SOX8: variants seen among roughly 807,000 people sequenced by gnomAD.
The protein encoded by SOX8 is transcription factor SOX-8.
In SOX8, 9 loss-of-function variants were observed where a neutral mutation model predicts 22.9. That is an observed-to-expected ratio of 0.39 (90% CI 0.24 to 0.69). The LOEUF is 0.69. SOX8 is among the 30% of genes least tolerant of loss of function. The pLI is 0.43. For missense variants in SOX8, 734 were observed against 699.4 expected (o/e 1.05, Z -0.56); for synonymous variants, 416 against 330.6 (o/e 1.26, Z -2.80).
rs780757316 is a variant in SOX8 at position 985,025 on chromosome 16, C to T, written c.980C>T (p.Ser327Leu). The change falls in exon 3 of 3, where the codon TCG (serine) becomes TTG (leucine). Residue 327 changes from serine to leucine, a missense_variant. Transcript: ENST00000293894. ...AAGAGTGCCCCGTCGGCCTCCGCGT[C>T]GCCCACCGAGACGGGTCCCCCACGG... Reference protein sequence around the residue: ...AHKSAPSASASPTETGPPRPH... With the variant: ...AHKSAPSASALPTETGPPRPH... 5.7e-6 allele frequency: 9 copies of T among 1,570,850 alleles called. No individual in the cohort carries two copies. The highest frequency in any genetic ancestry group is 2.8e-5 in the African/African-American group (2 of 72,684).
At position 984,743 on chromosome 16, in the gene SOX8, C is replaced by T. The variant is rs551441294; in HGVS notation, c.698C>T (p.Thr233Met). 1.7e-5 allele frequency: 26 copies of T among 1,558,042 alleles called. No individual in the cohort carries two copies. Among genetic ancestry groups the T allele is most frequent in the Admixed American group, 7.1e-5 (4 of 56,552 alleles). The change falls in exon 3 of 3, where the codon ACG (threonine) becomes ATG (methionine). Residue 233 changes from threonine (T) to methionine (M), a missense_variant. Around this residue, in one of 3 missense-constraint regions of SOX8, gnomAD observed 588 missense variants for 568.2 expected, o/e 1.03. Transcript: ENST00000293894. ...GPPTPPTTPK[T>M]ELQQAGAKPE... ...CCCACCCCGCCCACCACCCCCAAGA[C>T]GGAGCTGCAGCAGGCGGGCGCCAAG...
At chr16:984,564 C>G in intron 2 of SOX8, 137 bp from the exon 3 acceptor site, 2 of 582,876 alleles carry the variant, frequency 3.4e-6, no homozygotes, top group South Asian at 4.9e-5. Context: ...GCTGGAATTT[C>G]TGGGAAATGT....
Position 982,243 on chromosome 16 carries a change from C to A in SOX8, c.321C>A (p.Asn107Lys). ...KAKPHVKRPM[N>K]AFMVWAQAAR... The stretch of plus-strand genomic sequence containing the variant: ...AGCCGCATGTGAAGCGGCCCATGAA[C>A]GCATTCATGGTGTGGGCGCAGGCGG... Residue 107 changes from asparagine to lysine, a missense_variant, in exon 1 of 3, where the codon AAC becomes AAA. Transcript: ENST00000293894. The A allele has an allele frequency of 1.3e-6, 2 of 1,554,488 alleles. No individual in the cohort carries two copies. Among genetic ancestry groups the A allele is most frequent in the Admixed American group, 1.9e-5 (1 of 52,632 alleles).
Position 983,755 on chromosome 16 carries a change from C to A in SOX8, c.450C>A (p.Pro150=), listed in dbSNP as rs1016052721. 1 of 1,612,510 alleles carries A rather than the reference C, an allele frequency of 6.2e-7. No individual in the cohort carries two copies. The highest frequency in any genetic ancestry group is 1.3e-5 in the African/African-American group (1 of 74,932). Residue 150 remains proline, a synonymous_variant, in exon 2 of 3, where the codon CCC becomes CCA. Coordinates refer to ENST00000293894, the MANE Select transcript of SOX8 (RefSeq NM_014587.5). ...TGCTGAGCGAGAGCGAGAAGCGGCC[C>A]TTCGTGGAGGAGGCAGAGCGCCTTC... is the stretch of plus-strand genomic sequence containing the variant. ...WRLLSESEKR[P]FVEEAERLRV...
chr16:984,683 C>G lies in SOX8; in HGVS notation c.656-18C>G. On this transcript the variant is annotated intron_variant, in intron 2 of 2. Transcript: ENST00000293894. ...CAGAAGGGGCATTCATCCCTGAAGC[C>G]TGCTCTCCTGTCCCCAGGGCAGACC... is the stretch of plus-strand genomic sequence containing the variant. 1 of 1,465,146 alleles carries G rather than the reference C, an allele frequency of 6.8e-7. No homozygotes were observed. The highest frequency in any genetic ancestry group is 1.4e-5 in the African/African-American group (1 of 69,876). 90.8% of individuals were successfully genotyped at this position (1,465,146 alleles called of 1,614,324 possible). A position where few individuals can be genotyped will look rare whatever the true frequency, so the allele number is the denominator to read the frequency against.
rs765665070 is a variant in SOX8 at position 981,917 on chromosome 16, G to A, written c.-6G>A. On this transcript the variant is annotated 5_prime_UTR_variant, in exon 1 of 3. Coordinates refer to ENST00000293894, the MANE Select transcript of SOX8 (RefSeq NM_014587.5). ...TCCTGTGCGCGCCCCTCCGCGCGCG[G>A]CCCCGATGCTGGACATGAGCGAGGC... 5.5e-5 allele frequency: 70 copies of A among 1,275,594 alleles called. No individual in the cohort carries two copies. The highest frequency in any genetic ancestry group is 2.2e-5 in the South Asian group (1 of 46,208). 79.0% of individuals were successfully genotyped at this position (1,275,594 alleles called of 1,614,324 possible).
rs1271956778 is a variant in SOX8, at chr16:983,945, C to T, written c.640C>T (p.His214Tyr). Residue 214 changes from histidine to tyrosine, a missense_variant, in exon 2 of 3, where the codon CAT becomes TAT. His to Tyr is a moderately conservative substitution (Grantham distance 83, BLOSUM62 2). Transcript: ENST00000293894. Reference protein sequence around the residue: ...AEAGLGDGHHHGDHTGQTHGP... With the variant: ...AEAGLGDGHHYGDHTGQTHGP... The stretch of plus-strand genomic sequence containing the variant: ...AGCAGGGCTTGGAGATGGGCACCAC[C>T]ATGGCGACCACACAGGTGGGCTCCA... The T allele has an allele frequency of 1.9e-6, 3 of 1,541,514 alleles. No homozygotes were observed. Among genetic ancestry groups the T allele is most frequent in the South Asian group, 2.4e-5 (2 of 83,824 alleles).
In SOX8 at chr16:985,282, C is replaced by T. The variant is rs753633511; in HGVS notation, c.1237C>T (p.Arg413Trp). 14 of 1,611,100 alleles carry T rather than the reference C, an allele frequency of 8.7e-6. No homozygotes were observed. Among genetic ancestry groups the T allele is most frequent in the East Asian group, 4.5e-5 (2 of 44,876 alleles). Residue 413 changes from arginine (R) to tryptophan (W), a missense_variant, in exon 3 of 3, where the codon CGG (arginine) becomes TGG (tryptophan). Physicochemically the swap from Arg to Trp is moderately radical, Grantham distance 101. This residue lies in a region of SOX8 where 588 missense variants were observed against 568.2 expected (regional missense o/e 1.03). Transcript: ENST00000293894. ...YQYPCFHSPRRPYASPLLNGL... is the reference protein window; with the variant it reads ...YQYPCFHSPRWPYASPLLNGL... ...GTACCCCTGCTTCCACTCGCCGCGCCGGCCCTACGCCTCACCCCTGCTCAA... is the reference window on the plus strand; with the variant it reads ...GTACCCCTGCTTCCACTCGCCGCGCTGGCCCTACGCCTCACCCCTGCTCAA...
At chr16:982,461 C>T (rs1596198923) in intron 1 of SOX8, 117 bp downstream of exon 1, 13 of 1,110,964 alleles carry the variant, frequency 1.2e-5, no homozygotes, top group East Asian at 3.2e-5. Context: ...ACGCAGGCTC[C>T]GGGCTCTGCA....
chr16:983,074 C>T (rs562205764), intron 1 of SOX8: 1 of 152,386 alleles, frequency 6.6e-6, no homozygotes, highest in African/African-American at 2.4e-5. Context: ...CTCTGGTTCC[C>T]GTATCCTGCT....
intron 2 of SOX8, among the ~76,000 whole-genome samples, chr16:984,350 C>T (rs563989358): frequency 1.7e-3 from 265 of 152,330 alleles, no homozygotes; most frequent in African/African-American, 5.7e-3. Flanking sequence ...GGCTGACGCC[C>T]GCCAGCCTCA....
Position 985,464 on chromosome 16 carries a change from AG to A in SOX8, c.*82del. On this transcript the variant is annotated 3_prime_UTR_variant, in exon 3 of 3. Transcript: ENST00000293894. ...GCCCAGTGTGTGTGACCAGGGCGGG[AG>A]GGGCCCCAGTGGCTGAGCTCCAAGT... is the stretch of plus-strand genomic sequence containing the variant. The A allele has an allele frequency of 8.1e-7, 1 of 1,241,160 alleles. No homozygotes were observed. 76.9% of individuals were successfully genotyped at this position (1,241,160 alleles called of 1,614,324 possible).
rs953485050 is a variant in SOX8 at position 986,861 on chromosome 16, G to A, written c.*1475G>A. 2.0e-5 allele frequency: 3 copies of A among 152,226 alleles called. No individual in the cohort carries two copies. The highest frequency in any genetic ancestry group is 4.8e-5 in the African/African-American group (2 of 41,412). The allele number at this position is 152,226 out of a possible 1,614,324, so 9.4% of individuals were successfully genotyped here. A position where few individuals can be genotyped will look rare whatever the true frequency, so the allele number is the denominator to read the frequency against. The stretch of plus-strand genomic sequence containing the variant: ...ACCCGTTTCATGCAGCGTCTCCCTT[G>A]GCACCGCGTTCGGAGGACGCACCCT... On this transcript the variant is annotated 3_prime_UTR_variant, in exon 3 of 3. Coordinates refer to ENST00000293894, the MANE Select transcript of SOX8 (RefSeq NM_014587.5).
Position 983,874 on chromosome 16 carries a change from C to T in SOX8, c.569C>T (p.Ala190Val), listed in dbSNP as rs560388023. 5.0e-6 allele frequency: 8 copies of T among 1,611,448 alleles called. No individual in the cohort carries two copies. The East Asian group carries it at 1.6e-4, about 31-fold the overall frequency. ...GGCCACAGCGACTCCGACTCGGGCG[C>T]GGAGCTGGGACCCCACCCTGGCGGC... is the stretch of plus-strand genomic sequence containing the variant. Reference protein sequence around the residue: ...KAGHSDSDSGAELGPHPGGGA... With the variant: ...KAGHSDSDSGVELGPHPGGGA... Residue 190 changes from alanine to valine, a missense_variant, in exon 2 of 3, where the codon GCG becomes GTG. Ala to Val is a moderately conservative substitution (Grantham distance 64, BLOSUM62 0). This residue lies in a region of SOX8 where 588 missense variants were observed against 568.2 expected (regional missense o/e 1.03). Transcript: ENST00000293894.
rs376208715 is a variant in SOX8 at position 985,089 on chromosome 16, C to T, written c.1044C>T (p.Tyr348=). The change falls in exon 3 of 3, where the codon TAC becomes TAT. Residue 348 remains tyrosine (Y), a synonymous_variant. Coordinates refer to ENST00000293894, the MANE Select transcript of SOX8 (RefSeq NM_014587.5). Reference sequence around the variant, plus strand: ...CGGAGCAGCCGAGCCCCGGCCACTACGGCGACCAGCCCCGAGGCTCGCCCG... The same window carrying T: ...CGGAGCAGCCGAGCCCCGGCCACTATGGCGACCAGCCCCGAGGCTCGCCCG... ...IKTEQPSPGH[Y]GDQPRGSPDY... is the part of the protein sequence containing the mutation. The T allele has an allele frequency of 4.3e-5, 68 of 1,590,062 alleles. No individual in the cohort carries two copies. The highest frequency in any genetic ancestry group is 2.0e-4 in the African/African-American group (15 of 74,570).
Position 985,573 on chromosome 16 carries a change from C to G in SOX8, c.*187C>G, listed in dbSNP as rs1026745470. The G allele has an allele frequency of 1.1e-5, 6 of 542,356 alleles. No individual in the cohort carries two copies. Among genetic ancestry groups the G allele is most frequent in the Non-Finnish European group, 1.9e-5 (6 of 310,680 alleles). The allele number at this position is 542,356 out of a possible 1,614,324, so 33.6% of individuals were successfully genotyped here. On this transcript the variant is annotated 3_prime_UTR_variant, in exon 3 of 3. Coordinates refer to ENST00000293894, the MANE Select transcript of SOX8 (RefSeq NM_014587.5). ...GGCCACACCTCTGCCGACGACGGAC[C>G]AGCTCCCTCTCCCTTCTATCTTTCT...
rs200828189 is a variant in SOX8 at position 985,162 on chromosome 16, G to T, written c.1117G>T (p.Ala373Ser). 467 of 1,607,300 alleles carry T rather than the reference G, an allele frequency of 2.9e-4. No homozygotes were observed. In the African/African-American group the frequency reaches 5.3e-3, roughly 18 times the overall value. The stretch of plus-strand genomic sequence containing the variant: ...GTCCAGCGCCACCCCGGCCGCCCCC[G>T]CCGGCCCCTTCGCCGGCTCACAGGG... ...GQSSATPAAPAGPFAGSQGDY... is the reference protein window; with the variant it reads ...GQSSATPAAPSGPFAGSQGDY... The change falls in exon 3 of 3, where the codon GCC (alanine) becomes TCC (serine). Residue 373 changes from alanine (A) to serine (S), a missense_variant. Physicochemically the swap from Ala to Ser is moderately conservative, Grantham distance 99. Coordinates refer to ENST00000293894, the MANE Select transcript of SOX8 (RefSeq NM_014587.5).
At chr16:984,676 C>CAT in intron 2 of SOX8, 25 bp from the exon 3 acceptor site, 1 of 1,440,420 alleles carries the variant, frequency 6.9e-7, no homozygotes. Context: ...GCATTCATCC[C>CAT]TGAAGCCTGC....
chr16:981,869 G>A lies in SOX8; in HGVS notation c.-54G>A. 9.1e-7 allele frequency: 1 copy of A among 1,104,222 alleles called. No homozygotes were observed. Among genetic ancestry groups the A allele is most frequent in the Non-Finnish European group, 1.1e-6 (1 of 901,552 alleles). 68.4% of individuals were successfully genotyped at this position (1,104,222 alleles called of 1,614,324 possible). A position where few individuals can be genotyped will look rare whatever the true frequency, so the allele number is the denominator to read the frequency against. On this transcript the variant is annotated 5_prime_UTR_variant, in exon 1 of 3. Coordinates refer to ENST00000293894, the MANE Select transcript of SOX8 (RefSeq NM_014587.5). ...CCCGGAGCGACCGCAGGGCAGCCCCGGGCGCCGGCCCCGGTGCGCGTCTCC... is the reference window on the plus strand; with the variant it reads ...CCCGGAGCGACCGCAGGGCAGCCCCAGGCGCCGGCCCCGGTGCGCGTCTCC...
Sources: gnomAD v4.1 joint callset for allele counts (sites outside exome capture counted in the v4.1 genomes callset) on GRCh38, gnomAD v4.1.1 for gene constraint, gnomAD v4.1.1 regional missense constraint, MANE v1.5 for transcripts, NCBI Gene and HGNC (gene_info 2026-07-23, HGNC 2026-07-21) for gene names.